Variants in GRID2 observed in about 807,000 individuals in gnomAD.
The protein encoded by GRID2 is glutamate ionotropic receptor delta type subunit 2, also known as glutamate receptor ionotropic, delta-2.
A neutral mutation model predicts 114.8 loss-of-function variants in GRID2; 33 were observed. The observed-to-expected ratio is 0.29, with a 90% confidence interval of 0.22 to 0.38. The LOEUF is 0.38. GRID2 is among the 10% of genes least tolerant of loss of function. The pLI is 1.00. For missense variants in GRID2, 1,184 were observed against 1,257.7 expected (o/e 0.94, Z 0.89); for synonymous variants, 505 against 449.9 (o/e 1.12, Z -1.55).
chr4:92,909,553 A>C (rs1388612547), intron 2 of GRID2, among the ~76,000 whole-genome samples: 1 of 152,120 alleles, frequency 6.6e-6, no homozygotes, highest in Non-Finnish European at 1.5e-5. Context: ...CAGGATTGAA[A>C]TTTCCACATT....
At chr4:92,425,039 G>A (rs1363585427) in intron 1 of GRID2, among the ~76,000 whole-genome samples, 2 of 151,798 alleles carry the variant, frequency 1.3e-5, no homozygotes, top group South Asian at 2.1e-4. Context: ...TAATTGTGTT[G>A]AATTCAGCAG....
At chr4:92,490,315 A>C (rs1280024225) in intron 1 of GRID2, among the ~76,000 whole-genome samples, 1 of 152,224 alleles carries the variant, frequency 6.6e-6, no homozygotes, top group Admixed American at 6.5e-5. Flanking sequence ...GTTAGAAGAA[A>C]AAATTATAGG....
intron 9 of GRID2, among the ~76,000 whole-genome samples, chr4:93,409,102 A>G (rs1000848846): frequency 6.6e-6 from 1 of 152,246 alleles, no homozygotes; most frequent in East Asian, 1.9e-4. Context: ...AAATGACTTA[A>G]TACCATTGGG....
rs373527275 is a variant in GRID2, at chr4:93,266,801, G to A, written c.1245+28311G>A. Among the ~76,000 whole-genome samples, 5 of 152,182 alleles carry A rather than the reference G, an allele frequency of 3.3e-5. No individual in the cohort carries two copies. In the East Asian group the frequency reaches 7.7e-4, roughly 23 times the overall value. ...TTTATGAATGAAAGCCCAGAAGTAC[G>A]TGTAGTGTTGGGTTTTGGAGATAAC... On this transcript the variant is annotated intron_variant, in intron 8 of 15. Transcript: ENST00000282020.
chr4:92,891,145 T>A (rs1746754043), intron 2 of GRID2, among the ~76,000 whole-genome samples: 1 of 152,004 alleles, frequency 6.6e-6, no homozygotes, highest in Admixed American at 6.6e-5. Flanking sequence ...AGGGATAGCA[T>A]TAGGAGAAAT....
intron 2 of GRID2, among the ~76,000 whole-genome samples, chr4:92,854,589 G>A (rs552921614): frequency 6.7e-6 from 1 of 149,998 alleles, no homozygotes; most frequent in East Asian, 1.9e-4. Context: ...GTGTTTTGAG[G>A]ATACTTAGCC....
intron 1 of GRID2, among the ~76,000 whole-genome samples, chr4:92,347,095 A>G (rs1727806379): frequency 6.6e-6 from 1 of 152,232 alleles, no homozygotes; most frequent in African/African-American, 2.4e-5. Context: ...AGGCTGGCAG[A>G]TTGAGATTAG....
intron 2 of GRID2, among the ~76,000 whole-genome samples, chr4:92,984,575 A>G (rs939579246): frequency 3.9e-5 from 6 of 152,304 alleles, no homozygotes; most frequent in African/African-American, 1.4e-4. Flanking sequence ...TGTTTTCACC[A>G]TAAACCTCCG....
At chr4:93,124,030 G>A (rs1482082917) in intron 4 of GRID2, among the ~76,000 whole-genome samples, 1 of 149,400 alleles carries the variant, frequency 6.7e-6, no homozygotes, top group Admixed American at 6.7e-5. Flanking sequence ...TGGGTGCAGC[G>A]CACCAGCATG....
At chr4:92,751,743 T>C (rs1737464241) in intron 2 of GRID2, among the ~76,000 whole-genome samples, 1 of 152,244 alleles carries the variant, frequency 6.6e-6, no homozygotes, top group Admixed American at 6.5e-5. Flanking sequence ...GTAATGATTT[T>C]TGACATTCAT....
intron 1 of GRID2, among the ~76,000 whole-genome samples, chr4:92,327,236 T>C (rs1726645072): frequency 1.3e-5 from 2 of 152,008 alleles, no homozygotes; most frequent in Admixed American, 6.6e-5. Flanking sequence ...TCTACCCCTT[T>C]AAGTATCTGT....
intron 13 of GRID2, among the ~76,000 whole-genome samples, chr4:93,550,195 C>T (rs1320995349): frequency 1.3e-5 from 2 of 152,132 alleles, no homozygotes; most frequent in African/African-American, 4.8e-5. Flanking sequence ...GATCCTCCTG[C>T]CTCAGCCTCC....
chr4:92,335,923 TTTTAC>T (rs1273253689), intron 1 of GRID2, among the ~76,000 whole-genome samples: 2 of 152,166 alleles, frequency 1.3e-5, no homozygotes, highest in African/African-American at 2.4e-5. Flanking sequence ...AGTCACTGTT[TTTTAC>T]TTTATTTTAT....
At chr4:93,769,997 C>A (rs1733983433) in intron 15 of GRID2, among the ~76,000 whole-genome samples, 3 of 152,134 alleles carry the variant, frequency 2.0e-5, no homozygotes, top group Non-Finnish European at 4.4e-5. Context: ...TGAAAACATC[C>A]AAATTTCAAT....
intron 13 of GRID2, among the ~76,000 whole-genome samples, chr4:93,547,075 C>A (rs552047079): frequency 1.2e-4 from 19 of 152,306 alleles, no homozygotes; most frequent in African/African-American, 4.6e-4. Flanking sequence ...CTAGCCAAGG[C>A]AACCCTGTTC....
intron 2 of GRID2, among the ~76,000 whole-genome samples, chr4:92,703,356 A>G (rs1423152239): frequency 1.3e-5 from 2 of 152,178 alleles, no homozygotes; most frequent in African/African-American, 4.8e-5. Flanking sequence ...GGGAAAGAAC[A>G]TAAAATAGTT....
chr4:92,375,090 A>G (rs1729292182), intron 1 of GRID2, among the ~76,000 whole-genome samples: 1 of 152,190 alleles, frequency 6.6e-6, no homozygotes, highest in Non-Finnish European at 1.5e-5. Context: ...AATGTGTATC[A>G]GGAAAATGAA....
chr4:93,634,599 G>A (rs1242724327), intron 14 of GRID2, among the ~76,000 whole-genome samples: 1 of 152,082 alleles, frequency 6.6e-6, no homozygotes, highest in African/African-American at 2.4e-5. Context: ...TAGGCCTCAG[G>A]TTGAAGCTCG....
intron 13 of GRID2, among the ~76,000 whole-genome samples, chr4:93,529,880 G>C (rs1019167197): frequency 1.3e-5 from 2 of 152,082 alleles, no homozygotes; most frequent in African/African-American, 2.4e-5. Flanking sequence ...TGGATGTCCT[G>C]TCAGTGCTCC....
Sources: allele counts gnomAD v4.1 joint callset (sites outside exome capture counted in the v4.1 genomes callset), GRCh38; gene constraint gnomAD v4.1.1; transcripts MANE v1.5; gene names NCBI Gene and HGNC (gene_info 2026-07-23, HGNC 2026-07-21).